ADAMTS5: variants seen among roughly 807,000 people sequenced by gnomAD.
The protein encoded by ADAMTS5 is A disintegrin and metalloproteinase with thrombospondin motifs 5.
Under a neutral mutation model 81.4 loss-of-function variants are expected in ADAMTS5, and 54 were observed. That is an observed-to-expected ratio of 0.66 (90% CI 0.53 to 0.83). The LOEUF is 0.83. ADAMTS5 is among the 40% of genes least tolerant of loss of function. ADAMTS5 has a pLI of 0.00. For missense variants in ADAMTS5, 1,194 were observed against 1,229.9 expected, an observed-to-expected ratio of 0.97 and a Z score of 0.44; for synonymous variants, 532 against 508.8, an observed-to-expected ratio of 1.05 and a Z score of -0.61.
chr21:26,929,801 T>C lies in ADAMTS5; in HGVS notation c.2225+85A>G, dbSNP rs1601000341. ...ACCTCCTCATACAGATAGCTTATGA[T>C]GTAATATGAATCCTCCTTTATCAAT... On this transcript the variant is annotated intron_variant, in intron 7 of 7. Transcript: ENST00000284987. 10 of 1,371,338 alleles carry C rather than the reference T, an allele frequency of 7.3e-6. No homozygotes were observed. In the East Asian group the frequency reaches 2.3e-4, roughly 32 times the overall value. The allele number at this position is 1,371,338 out of a possible 1,614,324, so 84.9% of individuals were successfully genotyped here. A position where few individuals can be genotyped will look rare whatever the true frequency, so the allele number is the denominator to read the frequency against.
At chr21:26,935,441 T>A (rs759452092) in intron 3 of ADAMTS5, among the ~76,000 whole-genome samples, 1 of 152,170 alleles carries the variant, frequency 6.6e-6, no homozygotes, top group Non-Finnish European at 1.5e-5. Flanking sequence ...CAGACTGATA[T>A]AATTTTAATA....
intron 2 of ADAMTS5, among the ~76,000 whole-genome samples, chr21:26,950,649 C>A (rs1987299283): frequency 6.6e-6 from 1 of 152,144 alleles, no homozygotes; most frequent in African/African-American, 2.4e-5. Context: ...TGATTAGTTA[C>A]CTTCAAAATC....
chr21:26,931,516 A>G (rs1986906312), intron 6 of ADAMTS5, among the ~76,000 whole-genome samples: 1 of 152,260 alleles, frequency 6.6e-6, no homozygotes, highest in Admixed American at 6.5e-5. Flanking sequence ...ATATATAACT[A>G]GAGGGACATT....
chr21:26,951,690 A>G (rs1394457457), intron 2 of ADAMTS5, among the ~76,000 whole-genome samples: 1 of 22,538 alleles, frequency 4.4e-5, no homozygotes, highest in South Asian at 1.6e-3. Context: ...AAAAAAAAAA[A>G]AAAAAAAAAA....
chr21:26,930,173 G>T, intron 6 of ADAMTS5, 112 bp from the exon 7 acceptor site: 3 of 914,928 alleles, frequency 3.3e-6, no homozygotes, highest in Non-Finnish European at 4.6e-6. Context: ...GGTATGGACA[G>T]TCCATTGAAA....
Position 26,934,493 on chromosome 21 carries a change from C to T in ADAMTS5, c.1662G>A (p.Val554=), listed in dbSNP as rs748105519. 5.6e-6 allele frequency: 9 copies of T among 1,614,038 alleles called. No homozygotes were observed. The South Asian group carries it at 7.7e-5, about 14-fold the overall frequency. Residue 554 remains valine (V), a synonymous_variant, in exon 4 of 8, where the codon GTG becomes GTA. Transcript: ENST00000284987. Reference sequence around the variant, plus strand: ...AATAATATTTTTTCTTGGTTTTGTCCACACATTTGCCCTGCAGGCAGATTC... The same window carrying T: ...AATAATATTTTTTCTTGGTTTTGTCTACACATTTGCCCTGCAGGCAGATTC... ...KGRICLQGKC[V]DKTKKKYYST... is the part of the protein sequence containing the mutation.
In ADAMTS5 at chr21:26,924,596, C is replaced by T; in HGVS notation, c.2250G>A (p.Arg750=). ...KKSKGYTDVV[R]IPEGATHIKV... is the part of the protein sequence containing the mutation. ...TTATGTGGGTTGCCCCTTCAGGAAT[C>T]CTCACCACGTCAGTGTAACCCTTAC... Residue 750 remains arginine, a synonymous_variant, in exon 8 of 8, where the codon AGG becomes AGA. Transcript: ENST00000284987. 6.2e-7 allele frequency: 1 copy of T among 1,613,498 alleles called. No homozygotes were observed. Among genetic ancestry groups the T allele is most frequent in the Non-Finnish European group, 8.5e-7 (1 of 1,179,724 alleles).
chr21:26,933,655 GC>G (rs969498698), intron 4 of ADAMTS5, among the ~76,000 whole-genome samples: 1 of 152,216 alleles, frequency 6.6e-6, no homozygotes, highest in Non-Finnish European at 1.5e-5. Flanking sequence ...GGAAGGAAGA[GC>G]CCTTTTATGG....
Position 26,919,297 on chromosome 21 carries a change from C to T in ADAMTS5, c.*4756G>A, listed in dbSNP as rs865843183. The T allele has an allele frequency of 3.3e-5, 5 of 150,898 alleles. No individual in the cohort carries two copies. The highest frequency in any genetic ancestry group is 1.2e-4 in the African/African-American group (5 of 41,038). 9.3% of individuals were successfully genotyped at this position (150,898 alleles called of 1,614,324 possible). On this transcript the variant is annotated 3_prime_UTR_variant, in exon 8 of 8. Transcript: ENST00000284987. ...AGACTTTTAGGTCACTCTGATGTAGCAGTACCTTACAGGATGAGGGGCCAC... is the reference window on the plus strand; with the variant it reads ...AGACTTTTAGGTCACTCTGATGTAGTAGTACCTTACAGGATGAGGGGCCAC...
At chr21:26,927,342 A>G (rs1986822732) in intron 7 of ADAMTS5, among the ~76,000 whole-genome samples, 1 of 152,220 alleles carries the variant, frequency 6.6e-6, no homozygotes, top group Admixed American at 6.5e-5. Context: ...TAAGGTAAGA[A>G]GTTGCACAGT....
rs778695429 is a variant in ADAMTS5, at chr21:26,965,266, C to T, written c.1104+22G>A. ...ACCTCCTGATATCAGCGCTGGGACC[C>T]CCGCATCCCGGCTGGACCTACCTCC... On this transcript the variant is annotated intron_variant, in intron 1 of 7. Transcript: ENST00000284987. The T allele has an allele frequency of 1.6e-5, 25 of 1,591,658 alleles. No individual in the cohort carries two copies. The East Asian group carries it at 5.2e-4, about 33-fold the overall frequency.
At chr21:26,930,090 G>A in intron 6 of ADAMTS5, 29 bp from the exon 7 acceptor site, 1 of 1,607,056 alleles carries the variant, frequency 6.2e-7, no homozygotes, top group Non-Finnish European at 8.5e-7. Context: ...ATTAGGAGTG[G>A]GAAATGTTTG....
In ADAMTS5 at chr21:26,965,860, T is replaced by A; in HGVS notation, c.532A>T (p.Lys178Ter). 2 of 1,613,346 alleles carry A rather than the reference T, an allele frequency of 1.2e-6. No homozygotes were observed. The highest frequency in any genetic ancestry group is 1.7e-6 in the Non-Finnish European group (2 of 1,179,778). The change falls in exon 1 of 8, where the codon AAG becomes TAG. Residue 178 changes from lysine (K) to a stop codon, truncating the protein, a stop_gained. Transcript: ENST00000284987. LOFTEE classifies it high-confidence loss of function. ...GACCCATCCCCGTACACGCGCCCCT[T>A]TTCTTCCTCCGCCCAGGGTCCGCGC... ...LLRGPWAEEE[K>*]GRVYGDGSAR... is the part of the protein sequence containing the mutation.
At chr21:26,934,801 C>T (rs1458298249) in intron 3 of ADAMTS5, 52 bp from the exon 4 acceptor site, 9 of 1,589,744 alleles carry the variant, frequency 5.7e-6, no homozygotes, top group Non-Finnish European at 8.6e-7. Context: ...TTTCAAACCG[C>T]TAAAATCATG....
In ADAMTS5 at chr21:26,966,016, G is replaced by T; in HGVS notation, c.376C>A (p.His126Asn). The T allele has an allele frequency of 1.2e-6, 2 of 1,613,084 alleles. No individual in the cohort carries two copies. Among genetic ancestry groups the T allele is most frequent in the Non-Finnish European group, 1.7e-6 (2 of 1,179,854 alleles). The change falls in exon 1 of 8, where the codon CAC becomes AAC. Residue 126 changes from histidine (H) to asparagine (N), a missense_variant. By Grantham distance (68) the His-to-Asn change is moderately conservative (BLOSUM62 1). Transcript: ENST00000284987. ...CCCCGATAGAAGCAGTGGCTCCGGT[G>T]GCGCCAGGGCGCACTCGTCCCGCCT... is the stretch of plus-strand genomic sequence containing the variant. ...AGGGTSAPWRHRSHCFYRGTV... is the reference protein window; with the variant it reads ...AGGGTSAPWRNRSHCFYRGTV...
At chr21:26,927,706 G>A (rs1986830212) in intron 7 of ADAMTS5, among the ~76,000 whole-genome samples, 1 of 152,172 alleles carries the variant, frequency 6.6e-6, no homozygotes, top group Admixed American at 6.6e-5. Context: ...CAATGATCTG[G>A]TTTAGGTAAT....
chr21:26,935,508 T>C (rs1340083148), intron 3 of ADAMTS5, among the ~76,000 whole-genome samples: 1 of 152,236 alleles, frequency 6.6e-6, no homozygotes, highest in African/African-American at 2.4e-5. Flanking sequence ...AAATAGTCTT[T>C]GATAATTTAG....
intron 5 of ADAMTS5, 98 bp from the exon 6 acceptor site, chr21:26,932,277 CGT>C: frequency 1.5e-6 from 2 of 1,354,084 alleles, no homozygotes; most frequent in Non-Finnish European, 2.0e-6. Flanking sequence ...AAGATGCAAA[CGT>C]GTTTTTTTTA....
At chr21:26,949,580 C>G (rs996819128) in intron 2 of ADAMTS5, among the ~76,000 whole-genome samples, 2 of 152,184 alleles carry the variant, frequency 1.3e-5, no homozygotes, top group South Asian at 4.1e-4. Context: ...GTTAGAGTTA[C>G]TTTTTATGCC....
Sources: gnomAD v4.1 joint callset for allele counts (sites outside exome capture counted in the v4.1 genomes callset) on GRCh38, gnomAD v4.1.1 for gene constraint, MANE v1.5 for transcripts, NCBI Gene and HGNC (gene_info 2026-07-23, HGNC 2026-07-21) for gene names.